The following GYG2 variants were observed in gnomAD, a reference collection of about 807,000 sequenced individuals.
The protein encoded by GYG2 is glycogenin 2, also known as glycogenin-2.
Under a neutral mutation model 29.4 loss-of-function variants are expected in GYG2, and 29 were observed. That is an observed-to-expected ratio of 0.99 (90% CI 0.74 to 1.35). The LOEUF (loss-of-function observed/expected upper bound fraction) is 1.35. Ranked by LOEUF, GYG2 falls within the 40% of genes most tolerant of loss-of-function variation. The probability of loss-of-function intolerance (pLI) is 0.00; values close to 1 mark genes in which losing one functional copy is unlikely to be tolerated. For missense variants in GYG2, 370 were observed against 385.7 expected, an observed-to-expected ratio of 0.96 and a Z score of 0.34; for synonymous variants, 167 against 172.3, an observed-to-expected ratio of 0.97 and a Z score of 0.24.
At chrX:2,867,198 G>A (rs982876246) in intron 8 of GYG2, among the ~76,000 whole-genome samples, 5 of 111,607 alleles carry the variant, frequency 4.5e-5, no homozygotes, top group African/African-American at 1.6e-4. Context: ...TATTTAAGCA[G>A]TTCTCAAAAG....
chrX:2,836,894 G>A (rs1481534332), intron 2 of GYG2, among the ~76,000 whole-genome samples: 1 of 111,269 alleles, frequency 9.0e-6, no homozygotes, highest in Non-Finnish European at 1.9e-5. Context: ...TTGCTCTCAG[G>A]AAGTCGAGGC....
chrX:2,860,253 C>T (rs2088127306), intron 7 of GYG2, among the ~76,000 whole-genome samples, 188 bp downstream of exon 7: 2 of 111,170 alleles, frequency 1.8e-5, no homozygotes, highest in East Asian at 5.6e-4. Flanking sequence ...TAGAGAATGC[C>T]TAATGACTGG....
chrX:2,837,553 G>A lies in GYG2; in HGVS notation c.8-5660G>A, dbSNP rs369892105. Among the ~76,000 whole-genome samples the A allele has an allele frequency of 4.7e-3, 520 of 109,983 alleles. 5 individuals carry two copies. The highest frequency in any genetic ancestry group is 0.016 in the African/African-American group (490 of 30,072). On this transcript the variant is annotated intron_variant, in intron 2 of 10. Transcript: ENST00000398806. The stretch of plus-strand genomic sequence containing the variant: ...GCTCAGGAGGAAATCTCAAAACAAC[G>A]CCCCTCCTCGGGAGTTCTCTTACCT...
chrX:2,830,128 A>C lies in GYG2; in HGVS notation c.-61A>C, dbSNP rs1438566660. 131 of 1,158,089 alleles carry C rather than the reference A, an allele frequency of 1.1e-4. No individual in the cohort carries two copies. Among genetic ancestry groups the C allele is most frequent in the Non-Finnish European group, 1.5e-4 (126 of 848,776 alleles). On this transcript the variant is annotated 5_prime_UTR_variant, in exon 2 of 11. Transcript: ENST00000398806. ...CTGCGGGTTCGTGGCGAGGAAGTCCACCCACTGCTCCCGGGCGCAGGTCTG... is the reference window on the plus strand; with the variant it reads ...CTGCGGGTTCGTGGCGAGGAAGTCCCCCCACTGCTCCCGGGCGCAGGTCTG...
At chrX:2,864,986 T>C (rs1385373880) in intron 8 of GYG2, among the ~76,000 whole-genome samples, 1 of 111,345 alleles carries the variant, frequency 9.0e-6, no homozygotes, top group East Asian at 2.8e-4. Context: ...CTTGAACTCC[T>C]GGCTTCAAGT....
rs1279275502 is a variant in GYG2 at position 2,882,224 on chromosome X, G to C, written c.*1011G>C. ...GTATCTCACCAGGTAGCTGTCAGGG[G>C]CCACCGAGAGTGTCGTTAAAAATGG... On this transcript the variant is annotated 3_prime_UTR_variant, in exon 11 of 11. Coordinates refer to ENST00000398806, the MANE Select transcript of GYG2 (RefSeq NM_001079855.2). The C allele has an allele frequency of 9.2e-6, 1 of 108,113 alleles. No homozygotes were observed. Among genetic ancestry groups the C allele is most frequent in the African/African-American group, 3.4e-5 (1 of 29,507 alleles). The allele number at this position is 108,113 out of a possible 1,213,427, so 8.9% of individuals were successfully genotyped here.
intron 2 of GYG2, among the ~76,000 whole-genome samples, chrX:2,834,346 C>T (rs1050363451): frequency 5.4e-5 from 6 of 110,615 alleles, no homozygotes; most frequent in African/African-American, 1.6e-4. Flanking sequence ...TTAATGAGAG[C>T]GCAGAGGTAT....
chrX:2,858,409 T>A (rs2088074484), intron 6 of GYG2, among the ~76,000 whole-genome samples: 1 of 110,774 alleles, frequency 9.0e-6, no homozygotes, highest in African/African-American at 3.3e-5. Flanking sequence ...GAGTTTGCAG[T>A]GAGCCGAGAT....
chrX:2,830,033 G>GT, intron 1 of GYG2, 28 bp from the exon 2 acceptor site: 1 of 502,554 alleles, frequency 2.0e-6, no homozygotes, highest in Non-Finnish European at 3.4e-6. Context: ...AGCCGAGGGT[G>GT]TCGAGACTGC....
At position 2,882,749 on chromosome X, in the gene GYG2, C is replaced by T. The variant is rs1030485063; in HGVS notation, c.*1536C>T. 9.2e-6 allele frequency: 1 copy of T among 109,238 alleles called. No homozygotes were observed. The highest frequency in any genetic ancestry group is 1.9e-5 in the Non-Finnish European group (1 of 52,558). 9.0% of individuals were successfully genotyped at this position (109,238 alleles called of 1,213,427 possible). ...GAGTGAGTCCAGTCTGGAATTCCGC[C>T]GTGCATTCTAGCCTGTATCATCTCA... On this transcript the variant is annotated 3_prime_UTR_variant, in exon 11 of 11. Coordinates refer to ENST00000398806, the MANE Select transcript of GYG2 (RefSeq NM_001079855.2).
Position 2,860,006 on chromosome X carries a change from G to T in GYG2, c.778G>T (p.Val260Leu). The change falls in exon 7 of 11, where the codon GTG becomes TTG. Residue 260 changes from valine to leucine, a missense_variant. Val to Leu is a conservative substitution (Grantham distance 32). Coordinates refer to ENST00000398806, the MANE Select transcript of GYG2 (RefSeq NM_001079855.2). ...CTGGTGGACGGTCTACCAGAACAAC[G>T]TGCTGCCCCTTTATAAAAGCGTCCA... ...HLWWTVYQNN[V>L]LPLYKSVQAG... is the part of the protein sequence containing the mutation. 8.3e-7 allele frequency: 1 copy of T among 1,204,687 alleles called. No individual in the cohort carries two copies. Among genetic ancestry groups the T allele is most frequent in the Non-Finnish European group, 1.1e-6 (1 of 891,411 alleles).
intron 3 of GYG2, among the ~76,000 whole-genome samples, chrX:2,846,397 T>A (rs2087739102): frequency 9.2e-6 from 1 of 108,997 alleles, no homozygotes; most frequent in African/African-American, 3.3e-5. Flanking sequence ...AAAATAATAA[T>A]ATTAAAAAAG....
At chrX:2,866,791 G>A (rs2088305567) in intron 8 of GYG2, among the ~76,000 whole-genome samples, 1 of 107,264 alleles carries the variant, frequency 9.3e-6, no homozygotes, top group Admixed American at 1.0e-4. Flanking sequence ...CCATGAATAT[G>A]TACAATTATT....
intron 8 of GYG2, among the ~76,000 whole-genome samples, chrX:2,867,714 T>A (rs760676377): frequency 9.0e-6 from 1 of 111,364 alleles, no homozygotes; most frequent in South Asian, 3.8e-4. Flanking sequence ...GGAGGTGAAA[T>A]CAAAGCTGTT....
chrX:2,880,908 A>G, intron 10 of GYG2, 144 bp from the exon 11 acceptor site: 1 of 516,487 alleles, frequency 1.9e-6, no homozygotes. Flanking sequence ...GTCTCATTAA[A>G]AACAAAGTGC....
rs2088732734 is a variant in GYG2 at position 2,882,197 on chromosome X, G to C, written c.*984G>C. ...CTTCATTCAATGGGCACAATATGCT[G>C]TGTATCTCACCAGGTAGCTGTCAGG... On this transcript the variant is annotated 3_prime_UTR_variant, in exon 11 of 11. Transcript: ENST00000398806. The C allele has an allele frequency of 9.0e-6, 1 of 110,904 alleles. No individual in the cohort carries two copies. The highest frequency in any genetic ancestry group is 1.9e-5 in the Non-Finnish European group (1 of 52,956). 9.1% of individuals were successfully genotyped at this position (110,904 alleles called of 1,213,427 possible).
chrX:2,847,986 A>G (rs971297894), intron 3 of GYG2, among the ~76,000 whole-genome samples: 6 of 111,748 alleles, frequency 5.4e-5, no homozygotes, highest in African/African-American at 2.0e-4. Context: ...ATGAAGGTGG[A>G]TGTTTTGTTC....
At chrX:2,850,751 A>G (rs770935548) in intron 3 of GYG2, among the ~76,000 whole-genome samples, 42 of 110,094 alleles carry the variant, frequency 3.8e-4, no homozygotes, top group Non-Finnish European at 6.4e-4. Flanking sequence ...ACTCCTGCCC[A>G]CCAGAGAACA....
rs1273954443 is a variant in GYG2, at chrX:2,848,565, C to T, written c.149+5211C>T. Among the ~76,000 whole-genome samples the T allele has an allele frequency of 2.8e-5, 3 of 108,177 alleles. No homozygotes were observed. In the Admixed American group the frequency reaches 3.0e-4, roughly 11 times the overall value. The allele number at this position is 108,177 out of a possible 115,157, so 93.9% of individuals were successfully genotyped here. A position where few individuals can be genotyped will look rare whatever the true frequency, so the allele number is the denominator to read the frequency against. On this transcript the variant is annotated intron_variant, in intron 3 of 10. Coordinates refer to ENST00000398806, the MANE Select transcript of GYG2 (RefSeq NM_001079855.2). ...AAGAAGGGAAAAAAAAAAAACCTGA[C>T]TATATTAAGGTCCAAAAATGCACCA...
Sources: gnomAD v4.1 joint callset for allele counts (sites outside exome capture counted in the v4.1 genomes callset) on GRCh38, gnomAD v4.1.1 for gene constraint, MANE v1.5 for transcripts, NCBI Gene and HGNC (gene_info 2026-07-23, HGNC 2026-07-21) for gene names.